GRIK4: variants seen among roughly 807,000 people sequenced by gnomAD.
GRIK4 encodes glutamate ionotropic receptor kainate type subunit 4.
A neutral mutation model predicts 104.9 loss-of-function variants in GRIK4; 40 were observed. The observed-to-expected ratio is 0.38, with a 90% confidence interval of 0.30 to 0.50. GRIK4 has a LOEUF of 0.50. Among genes scored for constraint, GRIK4 ranks in the 20% least tolerant of loss-of-function variants. GRIK4 has a pLI of 0.93. For synonymous variants in GRIK4, 485 were observed against 524.9 expected, an observed-to-expected ratio of 0.92 and a Z score of 1.04; for missense variants, 1,047 against 1,308.1, an observed-to-expected ratio of 0.80 and a Z score of 3.08.
At chr11:120,895,006 T>G (rs1592052086) in intron 11 of GRIK4, among the ~76,000 whole-genome samples, 1 of 152,050 alleles carries the variant, frequency 6.6e-6, no homozygotes, top group South Asian at 2.1e-4. Flanking sequence ...GGTGGGGGAT[T>G]CATTTCCTGA....
At position 120,961,675 on chromosome 11, in the gene GRIK4, C is replaced by A. The variant is rs186136576; in HGVS notation, c.2040+601C>A. ...CCACAGCGATGTGTTCGCTGTCAAG[C>A]AAACTGATTGATCGCCAAGACTGAC... On this transcript the variant is annotated intron_variant, in intron 17 of 20. Transcript: ENST00000527524. Among the ~76,000 whole-genome samples, 11 of 152,336 alleles carry A rather than the reference C, an allele frequency of 7.2e-5. No individual in the cohort carries two copies. In the East Asian group the frequency reaches 1.5e-3, roughly 21 times the overall value.
At chr11:120,923,404 ATTTTTTTTTTTT>A (rs775194642) in intron 13 of GRIK4, among the ~76,000 whole-genome samples, 3 of 81,646 alleles carry the variant, frequency 3.7e-5, no homozygotes, top group African/African-American at 5.2e-5. Flanking sequence ...CCATTTGCTC[ATTTTTTTTTTTT>A]TTTTTTTTTT....
chr11:120,556,878 C>T (rs1693618865), intron 1 of GRIK4, among the ~76,000 whole-genome samples: 1 of 152,156 alleles, frequency 6.6e-6, no homozygotes, highest in Admixed American at 6.5e-5. Flanking sequence ...GCCTCTCATT[C>T]CTCCTCATTA....
intron 4 of GRIK4, among the ~76,000 whole-genome samples, chr11:120,811,182 C>T (rs1009967845): frequency 1.3e-5 from 2 of 152,024 alleles, no homozygotes; most frequent in Non-Finnish European, 1.5e-5. Context: ...CTTAAGGAGA[C>T]CAGAGTCACT....
intron 13 of GRIK4, among the ~76,000 whole-genome samples, chr11:120,911,240 C>CTTT (rs202173501): frequency 7.3e-6 from 1 of 137,736 alleles, no homozygotes; most frequent in Admixed American, 7.3e-5. Context: ...CCAAAATTCT[C>CTTT]TTTTTTTTTT....
intron 1 of GRIK4, among the ~76,000 whole-genome samples, chr11:120,537,309 A>C (rs1365936319): frequency 6.6e-6 from 1 of 152,204 alleles, no homozygotes; most frequent in African/African-American, 2.4e-5. Context: ...ATTGGGAAGC[A>C]TGAGAGCCTT....
At chr11:120,753,601 A>C (rs1951599938) in intron 3 of GRIK4, among the ~76,000 whole-genome samples, 1 of 152,090 alleles carries the variant, frequency 6.6e-6, no homozygotes, top group Non-Finnish European at 1.5e-5. Context: ...CTTTTTTGGC[A>C]AAACAGTCAT....
chr11:120,772,088 C>G (rs1252963639), intron 3 of GRIK4, among the ~76,000 whole-genome samples: 1 of 152,208 alleles, frequency 6.6e-6, no homozygotes, highest in Non-Finnish European at 1.5e-5. Flanking sequence ...CAGGACCACT[C>G]AGAGCCTTGT....
At chr11:120,800,136 G>A (rs1478680015) in intron 3 of GRIK4, among the ~76,000 whole-genome samples, 4 of 152,030 alleles carry the variant, frequency 2.6e-5, no homozygotes, top group Non-Finnish European at 5.9e-5. Flanking sequence ...TTACAGGTGT[G>A]AGTCACCGTG....
At chr11:120,925,310 G>A (rs1459747825) in intron 13 of GRIK4, among the ~76,000 whole-genome samples, 2 of 152,198 alleles carry the variant, frequency 1.3e-5, no homozygotes, top group South Asian at 2.1e-4. Flanking sequence ...GCCGTGAGCT[G>A]GTGGCACTGT....
intron 13 of GRIK4, among the ~76,000 whole-genome samples, chr11:120,925,014 C>T (rs945120441): frequency 3.3e-5 from 5 of 152,196 alleles, no homozygotes; most frequent in Admixed American, 2.6e-4. Flanking sequence ...GGTCACATCA[C>T]TGCTCACTCC....
In GRIK4 at chr11:120,952,797, C is replaced by A; in HGVS notation, c.1591-58C>A. ...ACCTCCTCTACCCCGCCCTGCCTGC[C>A]CCAAGGTCATGTTGACTGAATATGT... On this transcript the variant is annotated intron_variant, in intron 14 of 20. Coordinates refer to ENST00000527524, the MANE Select transcript of GRIK4 (RefSeq NM_014619.5). This position sits in a 1 kb window ranked among gnomAD's most constrained non-coding sequence, Gnocchi z 5.2. 1 of 1,214,420 alleles carries A rather than the reference C, an allele frequency of 8.2e-7. No individual in the cohort carries two copies. The highest frequency in any genetic ancestry group is 1.2e-5 in the South Asian group (1 of 83,364). 75.2% of individuals were successfully genotyped at this position (1,214,420 alleles called of 1,614,324 possible).
intron 1 of GRIK4, among the ~76,000 whole-genome samples, chr11:120,529,957 C>T (rs1378942120): frequency 6.6e-6 from 1 of 152,206 alleles, no homozygotes; most frequent in South Asian, 2.1e-4. Flanking sequence ...GAGCTAGGAT[C>T]CCGTTCTCCT....
At chr11:120,932,217 T>G (rs1482257303) in intron 13 of GRIK4, among the ~76,000 whole-genome samples, 1 of 152,038 alleles carries the variant, frequency 6.6e-6, no homozygotes, top group Non-Finnish European at 1.5e-5. Flanking sequence ...GGTTGTAAAT[T>G]TTTTGCTGTC....
At chr11:120,610,941 C>T (rs1054924197) in intron 1 of GRIK4, among the ~76,000 whole-genome samples, 7 of 152,246 alleles carry the variant, frequency 4.6e-5, no homozygotes, top group African/African-American at 1.7e-4. Flanking sequence ...ACATGAGAAC[C>T]ACAGAGTCTC....
chr11:120,589,866 TC>T lies in GRIK4; in HGVS notation c.-158-63818del, dbSNP rs1418525804. Reference sequence around the variant, plus strand: ...CTTGGGCAGCTGGCATTTTCACACTTCTTTATCCCTTCACTCCTAGAAGGCC... The same window carrying T: ...CTTGGGCAGCTGGCATTTTCACACTTTTTATCCCTTCACTCCTAGAAGGCC... On this transcript the variant is annotated intron_variant, in intron 1 of 20. Transcript: ENST00000527524. Among the ~76,000 whole-genome samples the T allele has an allele frequency of 3.3e-5, 5 of 152,138 alleles. No individual in the cohort carries two copies. In the East Asian group the frequency reaches 9.6e-4, roughly 29 times the overall value.
intron 3 of GRIK4, among the ~76,000 whole-genome samples, chr11:120,733,331 A>G (rs1951170581): frequency 6.6e-6 from 1 of 150,970 alleles, no homozygotes; most frequent in South Asian, 2.1e-4. Context: ...GTTATTATTG[A>G]TAAGTAAGGA....
At chr11:120,734,937 C>G (rs546849974) in intron 3 of GRIK4, among the ~76,000 whole-genome samples, 17 of 152,250 alleles carry the variant, frequency 1.1e-4, no homozygotes, top group African/African-American at 3.6e-4. Context: ...ATTTCAATCC[C>G]TTTGTTAAAT....
At chr11:120,538,404 A>AG in intron 1 of GRIK4, among the ~76,000 whole-genome samples, 1 of 152,310 alleles carries the variant, frequency 6.6e-6, no homozygotes, top group South Asian at 2.1e-4. Context: ...TTCCCTCCCC[A>AG]GGGGGTGTAC....
Sources: allele counts gnomAD v4.1 joint callset (sites outside exome capture counted in the v4.1 genomes callset), GRCh38; gene constraint gnomAD v4.1.1; non-coding constraint Gnocchi (gnomAD v3.1); transcripts MANE v1.5; gene names NCBI Gene and HGNC (gene_info 2026-07-23, HGNC 2026-07-21).